The following PACS2 variants were observed in gnomAD, a reference collection of about 807,000 sequenced individuals.
PACS2 encodes the protein phosphofurin acidic cluster sorting protein 2, also known as PACS1-like protein.
A neutral mutation model predicts 113.0 loss-of-function variants in PACS2; 36 were observed. The observed-to-expected ratio is 0.32, with a 90% CI of 0.24 to 0.42. The LOEUF is 0.42. Among genes scored for constraint, PACS2 ranks in the 10% least tolerant of loss-of-function variants. The pLI is 1.00. For missense variants in PACS2, 1,015 were observed against 1,239.5 expected (o/e 0.82, Z 2.72); for synonymous variants, 589 against 536.1 (o/e 1.10, Z -1.36).
At chr14:105,343,693 TG>T (rs1245847426) in intron 1 of PACS2, among the ~76,000 whole-genome samples, 5 of 150,890 alleles carry the variant, frequency 3.3e-5, no homozygotes, top group African/African-American at 1.2e-4. Context: ...TCAAATATTT[TG>T]CTCACTTTTT....
At chr14:105,328,170 G>A (rs1354866564) in intron 1 of PACS2, among the ~76,000 whole-genome samples, 2 of 152,250 alleles carry the variant, frequency 1.3e-5, no homozygotes, top group Admixed American at 6.5e-5. Context: ...GTGTGGAGGT[G>A]CACGGAGAAG....
In PACS2 at chr14:105,383,258, C is replaced by T. The variant is rs782467681; in HGVS notation, c.1626-101C>T. ...AGGGCAGTTGTGGCATGAGCGGCCACAGGCACGGAGCCCCCTGGGCTCACA... is the reference window on the plus strand; with the variant it reads ...AGGGCAGTTGTGGCATGAGCGGCCATAGGCACGGAGCCCCCTGGGCTCACA... On this transcript the variant is annotated intron_variant, in intron 15 of 24. Transcript: ENST00000447393. 2.4e-5 allele frequency: 33 copies of T among 1,382,530 alleles called. No individual in the cohort carries two copies. In the South Asian group the frequency reaches 2.7e-4, roughly 11 times the overall value. The allele number at this position is 1,382,530 out of a possible 1,614,324, so 85.6% of individuals were successfully genotyped here.
At position 105,362,261 on chromosome 14, in the gene PACS2, A is replaced by AC. The variant is rs1555406761; in HGVS notation, c.424-4952_424-4951insC. ...GTGAAACACCGTCTCTACTGAAAAT[A>AC]TAAAAAATTAGCTGGGCGTGGTGGC... On this transcript the variant is annotated intron_variant, in intron 4 of 24. Transcript: ENST00000447393. Among the ~76,000 whole-genome samples the AC allele has an allele frequency of 3.3e-3, 499 of 150,830 alleles. 5 individuals are homozygous for AC. The highest frequency in any genetic ancestry group is 0.012 in the African/African-American group (482 of 40,654).
chr14:105,355,040 T>C lies in PACS2; in HGVS notation c.298-12T>C, dbSNP rs1196849025. 6.2e-7 allele frequency: 1 copy of C among 1,612,304 alleles called. No individual in the cohort carries two copies. The highest frequency in any genetic ancestry group is 1.1e-5 in the South Asian group (1 of 90,892). ...GTGCACCCTCAGCTGCCACTCGCAC[T>C]TGTGCCCACAGTATCCTCACTTCTT... is the stretch of plus-strand genomic sequence containing the variant. On this transcript the variant is annotated splice_polypyrimidine_tract_variant and intron_variant, in intron 3 of 24. Coordinates refer to ENST00000447393, the MANE Select transcript of PACS2 (RefSeq NM_001100913.3). This position sits in a 1 kb window ranked among gnomAD's most constrained non-coding sequence, Gnocchi z 4.1.
upstream of PACS2, among the ~76,000 whole-genome samples, chr14:105,313,460 G>A (rs1306922115): frequency 2.0e-5 from 3 of 152,232 alleles, no homozygotes; most frequent in Non-Finnish European, 4.4e-5. Context: ...CCAGGGGCGC[G>A]TGGGAAACAC....
At chr14:105,318,074 G>A (rs1429425466) in intron 1 of PACS2, among the ~76,000 whole-genome samples, 1 of 152,226 alleles carries the variant, frequency 6.6e-6, no homozygotes, top group African/African-American at 2.4e-5. Flanking sequence ...CAAGGGCTGG[G>A]CTGCTTTGTA....
chr14:105,371,969 C>G (rs1464485977), intron 8 of PACS2: 1 of 152,248 alleles, frequency 6.6e-6, no homozygotes, highest in African/African-American at 2.4e-5. Flanking sequence ...GGCCCTGAGC[C>G]TATTCAGCGG....
intron 20 of PACS2, chr14:105,390,493 C>A: frequency 5.6e-6 from 1 of 179,824 alleles, no homozygotes; most frequent in Non-Finnish European, 1.2e-5. Context: ...TCTCCACAGC[C>A]TGTTTCCTGC....
intron 9 of PACS2, among the ~76,000 whole-genome samples, chr14:105,379,160 T>C (rs2080892513): frequency 6.6e-6 from 1 of 150,908 alleles, no homozygotes; most frequent in African/African-American, 2.4e-5. Context: ...CCTGCATCAG[T>C]GTGGATAGTG....
At chr14:105,383,601 G>T in intron 16 of PACS2, 88 bp downstream of exon 16, 1 of 1,328,768 alleles carries the variant, frequency 7.5e-7, no homozygotes, top group Non-Finnish European at 1.0e-6. Context: ...GGCGTGGCGT[G>T]TTGTGTGGCG....
chr14:105,375,514 T>A (rs2061322260), intron 8 of PACS2, among the ~76,000 whole-genome samples: 1 of 151,520 alleles, frequency 6.6e-6, no homozygotes, highest in African/African-American at 2.4e-5. Flanking sequence ...TAGGGATCTT[T>A]CTAAATAGAT....
intron 19 of PACS2, among the ~76,000 whole-genome samples, chr14:105,386,230 G>A (rs782324819): frequency 6.6e-6 from 1 of 152,168 alleles, no homozygotes; most frequent in African/African-American, 2.4e-5. Context: ...ACGGGTGCAC[G>A]CCCTACACAC....
intron 1 of PACS2, among the ~76,000 whole-genome samples, chr14:105,302,357 C>G (rs774215628): frequency 6.6e-6 from 1 of 151,588 alleles, no homozygotes; most frequent in Non-Finnish European, 1.5e-5. Flanking sequence ...GTATGCACCA[C>G]CACACCTGGC....
intron 1 of PACS2, among the ~76,000 whole-genome samples, chr14:105,306,412 T>C (rs587677954): frequency 6.6e-6 from 1 of 152,300 alleles, no homozygotes; most frequent in African/African-American, 2.4e-5. Context: ...CAAGCGATTC[T>C]CCTGCCTCAG....
At position 105,384,433 on chromosome 14, in the gene PACS2, C is replaced by G. The variant is rs1555413024; in HGVS notation, c.1861C>G (p.Leu621Val). The G allele has an allele frequency of 1.2e-6, 2 of 1,611,990 alleles. No individual in the cohort carries two copies. Among genetic ancestry groups the G allele is most frequent in the Admixed American group, 3.3e-5 (2 of 60,002 alleles). Reference sequence around the variant, plus strand: ...CTTCCAGGACCTGGCCTGGAGAGACCTGTTCAACAAGCTGGAGGCCCAGAG... The same window carrying G: ...CTTCCAGGACCTGGCCTGGAGAGACGTGTTCAACAAGCTGGAGGCCCAGAG... ...NFFQDLAWRD[L>V]FNKLEAQSAV... Residue 621 changes from leucine (L) to valine (V), a missense_variant, in exon 17 of 25, where the codon CTG becomes GTG. Around this residue, in one of 3 missense-constraint regions of PACS2, gnomAD observed 859 missense variants for 1,056.8 expected, o/e 0.81. Transcript: ENST00000447393.
intron 1 of PACS2, among the ~76,000 whole-genome samples, chr14:105,347,270 C>T (rs774884741): frequency 4.9e-4 from 75 of 151,706 alleles, no homozygotes; most frequent in Non-Finnish European, 9.0e-4. Context: ...GTCCTGAGGC[C>T]GCCCAGGCAG....
At chr14:105,327,583 C>T (rs1457820982) in intron 1 of PACS2, among the ~76,000 whole-genome samples, 1 of 152,196 alleles carries the variant, frequency 6.6e-6, no homozygotes, top group African/African-American at 2.4e-5. Context: ...GGTGGTGCAT[C>T]TCATGCCTCT....
At chr14:105,333,202 C>A (rs931745594) in intron 1 of PACS2, among the ~76,000 whole-genome samples, 1 of 152,234 alleles carries the variant, frequency 6.6e-6, no homozygotes, top group African/African-American at 2.4e-5. Flanking sequence ...TCCCCACCCC[C>A]TCCTGCTGCA....
intron 4 of PACS2, among the ~76,000 whole-genome samples, chr14:105,364,111 T>C (rs2060833940): frequency 6.6e-6 from 1 of 151,036 alleles, no homozygotes; most frequent in South Asian, 2.1e-4. Context: ...GTTTGAAATA[T>C]TGGGAGAATT....
Sources: allele counts gnomAD v4.1 joint callset (sites outside exome capture counted in the v4.1 genomes callset), GRCh38; gene constraint gnomAD v4.1.1; regional missense constraint gnomAD v4.1.1; non-coding constraint Gnocchi (gnomAD v3.1); transcripts MANE v1.5; gene names NCBI Gene and HGNC (gene_info 2026-07-23, HGNC 2026-07-21).